The following UGT3A1 variants were observed in gnomAD, a reference collection of about 807,000 sequenced individuals.
UGT3A1 encodes the protein UDP glycosyltransferase family 3 member A1.
A neutral mutation model predicts 37.6 loss-of-function variants in UGT3A1; 40 were observed. The ratio of observed to expected loss-of-function variants is 1.06; its 90% CI spans 0.83 to 1.38. The LOEUF (loss-of-function observed/expected upper bound fraction) is 1.38, where lower values mean the gene tolerates loss of function less well. Ranked by LOEUF, UGT3A1 falls within the 40% of genes most tolerant of loss-of-function variation. The probability of loss-of-function intolerance (pLI) is 0.00; values close to 1 mark genes in which losing one functional copy is unlikely to be tolerated. For synonymous variants in UGT3A1, 256 were observed against 232.3 expected (o/e 1.10, Z -0.93); for missense variants, 642 against 634.2 (o/e 1.01, Z -0.13).
intron 4 of UGT3A1, chr5:35,960,893 ACTC>A (rs1462182514): frequency 2.0e-5 from 3 of 152,158 alleles, no homozygotes; most frequent in Non-Finnish European, 4.4e-5. Flanking sequence ...CCCCAGCTGA[ACTC>A]CTCTTGGTGT....
intron 6 of UGT3A1, chr5:35,955,434 C>T: frequency 3.2e-6 from 2 of 626,792 alleles, no homozygotes; most frequent in South Asian, 3.9e-5. Flanking sequence ...GCCATCACAG[C>T]CTTAAGGTAG....
chr5:35,998,155 A>T (rs1231038932), intron 1 of UGT3A1, among the ~76,000 whole-genome samples: 1 of 152,110 alleles, frequency 6.6e-6, no homozygotes, highest in Non-Finnish European at 1.5e-5. Flanking sequence ...AAATAAAGGA[A>T]ATTCTAACTG....
chr5:35,955,908 A>C (rs772345737), intron 5 of UGT3A1, 44 bp from the exon 6 acceptor site: 1 of 1,595,516 alleles, frequency 6.3e-7, no homozygotes, highest in Admixed American at 1.7e-5. Context: ...AGGATGAAAA[A>C]TTTTGGAATA....
intron 2 of UGT3A1, among the ~76,000 whole-genome samples, chr5:35,978,745 T>A (rs542551950): frequency 6.6e-6 from 1 of 152,188 alleles, no homozygotes; most frequent in South Asian, 2.1e-4. Context: ...GCCTTCCCAA[T>A]AGTCCCCCAT....
chr5:35,954,315 C>T lies in UGT3A1; in HGVS notation c.1459G>A (p.Asp487Asn). The change falls in exon 7 of 7, where the codon GAT becomes AAT. Residue 487 changes from aspartate to asparagine, a missense_variant. Physicochemically the swap from Asp to Asn is conservative, Grantham distance 23 (BLOSUM62 1). Coordinates refer to ENST00000274278, the MANE Select transcript of UGT3A1 (RefSeq NM_152404.4). Reference protein sequence around the residue: ...QQPWHEQYLIDVFVFLLGLTL... With the variant: ...QQPWHEQYLINVFVFLLGLTL... Reference sequence around the variant, plus strand: ...AGCCCCAGCAGAAACACAAAGACATCAATGAGGTACTGCTCATGCCAAGGC... The same window carrying T: ...AGCCCCAGCAGAAACACAAAGACATTAATGAGGTACTGCTCATGCCAAGGC... 6.2e-7 allele frequency: 1 copy of T among 1,614,196 alleles called. No individual in the cohort carries two copies. Among genetic ancestry groups the T allele is most frequent in the Non-Finnish European group, 8.5e-7 (1 of 1,180,036 alleles).
At position 35,966,060 on chromosome 5, in the gene UGT3A1, A is replaced by G; in HGVS notation, c.312-143T>C. On this transcript the variant is annotated intron_variant, in intron 3 of 6. Coordinates refer to ENST00000274278, the MANE Select transcript of UGT3A1 (RefSeq NM_152404.4). ...AACCCATTCTACAATGTTTCAACAA[A>G]TACTCTCAGCTCTGGTCACTCTGGT... 7.7e-6 allele frequency: 5 copies of G among 650,228 alleles called. 1 individual carries two copies. In the East Asian group the frequency reaches 1.5e-4, roughly 19 times the overall value. 40.3% of individuals were successfully genotyped at this position (650,228 alleles called of 1,614,324 possible).
intron 2 of UGT3A1, among the ~76,000 whole-genome samples, chr5:35,979,499 A>G (rs1297898158): frequency 6.6e-6 from 1 of 152,106 alleles, no homozygotes; most frequent in East Asian, 1.9e-4. Flanking sequence ...GTTCCTCATA[A>G]GTTCCTCATC....
At position 35,951,437 on chromosome 5, in the gene UGT3A1, T is replaced by C. The variant is rs1739199102; in HGVS notation, c.*2765A>G. ...AAAGGATACATCCTATAGTTACTCT[T>C]ACTCTTTGCTATTTTTTACTTAACC... On this transcript the variant is annotated 3_prime_UTR_variant, in exon 7 of 7. Transcript: ENST00000274278. The C allele has an allele frequency of 6.6e-6, 1 of 152,208 alleles. No homozygotes were observed. The highest frequency in any genetic ancestry group is 6.5e-5 in the Admixed American group (1 of 15,284). The allele number at this position is 152,208 out of a possible 1,614,324, so 9.4% of individuals were successfully genotyped here. A position where few individuals can be genotyped will look rare whatever the true frequency, so the allele number is the denominator to read the frequency against.
intron 3 of UGT3A1, among the ~76,000 whole-genome samples, chr5:35,966,950 A>G (rs948652617): frequency 1.3e-5 from 2 of 152,352 alleles, no homozygotes; most frequent in African/African-American, 2.4e-5. Context: ...TTTTTAAAAA[A>G]AATTTTACAT....
chr5:35,990,774 A>G (rs1387553378), intron 1 of UGT3A1, among the ~76,000 whole-genome samples: 1 of 151,762 alleles, frequency 6.6e-6, no homozygotes, highest in Non-Finnish European at 1.5e-5. Flanking sequence ...GCTACTGTGC[A>G]CCTCCCGGCC....
intron 2 of UGT3A1, among the ~76,000 whole-genome samples, chr5:35,970,718 T>TATTA (rs1459656922): frequency 6.6e-6 from 1 of 152,192 alleles, no homozygotes; most frequent in Admixed American, 6.5e-5. Context: ...ATATTAAAAT[T>TATTA]ATTAACAATG....
intron 5 of UGT3A1, 69 bp from the exon 6 acceptor site, chr5:35,955,933 A>G: frequency 4.7e-6 from 7 of 1,490,666 alleles, no homozygotes. Flanking sequence ...GTAAAGCAGA[A>G]AAGTCAGATG....
intron 2 of UGT3A1, among the ~76,000 whole-genome samples, chr5:35,984,220 A>G (rs1018232811): frequency 1.3e-5 from 2 of 152,356 alleles, no homozygotes; most frequent in South Asian, 2.1e-4. Flanking sequence ...ATAAAAAATC[A>G]AAGTACAAAA....
intron 4 of UGT3A1, chr5:35,960,645 TTTTAGC>T (rs1351126875): frequency 6.6e-6 from 1 of 152,230 alleles, no homozygotes; most frequent in Non-Finnish European, 1.5e-5. Context: ...CAGTGCACTC[TTTTAGC>T]TTTGCAATCT....
At chr5:35,981,821 G>A (rs967180067) in intron 2 of UGT3A1, among the ~76,000 whole-genome samples, 4 of 152,252 alleles carry the variant, frequency 2.6e-5, no homozygotes, top group Admixed American at 2.6e-4. Context: ...TCTAGGGCAT[G>A]CCAGAGAGTT....
intron 4 of UGT3A1, chr5:35,962,474 A>C (rs1739625291): frequency 6.2e-6 from 1 of 160,990 alleles, no homozygotes; most frequent in Non-Finnish European, 1.4e-5. Context: ...CCAGAGGAGC[A>C]GAGCTGGAGG....
intron 4 of UGT3A1, among the ~76,000 whole-genome samples, chr5:35,964,735 G>A (rs1429707528): frequency 2.0e-5 from 3 of 152,202 alleles, no homozygotes; most frequent in African/African-American, 7.2e-5. Flanking sequence ...AGTGCTCAGA[G>A]GCAACAGGCT....
chr5:35,976,032 C>T (rs888630005), intron 2 of UGT3A1, among the ~76,000 whole-genome samples: 6 of 152,264 alleles, frequency 3.9e-5, no homozygotes, highest in Non-Finnish European at 8.8e-5. Context: ...CTCACTATTT[C>T]CCCTAGTGAT....
intron 2 of UGT3A1, among the ~76,000 whole-genome samples, chr5:35,970,597 G>T (rs1739998002): frequency 6.6e-6 from 1 of 152,098 alleles, no homozygotes; most frequent in Non-Finnish European, 1.5e-5. Flanking sequence ...ATATTCCATT[G>T]CATTCTGGGC....
Sources: gnomAD v4.1 joint callset for allele counts (sites outside exome capture counted in the v4.1 genomes callset) on GRCh38, gnomAD v4.1.1 for gene constraint, MANE v1.5 for transcripts, NCBI Gene and HGNC (gene_info 2026-07-23, HGNC 2026-07-21) for gene names.